The following TSPEAR variants were observed in gnomAD, a reference collection of about 807,000 sequenced individuals.
TSPEAR encodes the protein thrombospondin type laminin G domain and EAR repeats, also known as thrombospondin-type laminin G domain and EAR repeat-containing protein.
A neutral mutation model predicts 71.6 loss-of-function variants in TSPEAR; 69 were observed. That is an observed-to-expected ratio of 0.96 (90% CI 0.79 to 1.18). The LOEUF is 1.18. Ranked by LOEUF, TSPEAR falls within the 50% of genes most tolerant of loss-of-function variation. The probability of loss-of-function intolerance (pLI) is 0.00; values close to 1 mark genes in which losing one functional copy is unlikely to be tolerated. For missense variants in TSPEAR, 971 were observed against 894.9 expected, an observed-to-expected ratio of 1.09 and a Z score of -1.09; for synonymous variants, 402 against 387.2, an observed-to-expected ratio of 1.04 and a Z score of -0.45.
chr21:44,707,333 G>T (rs1189008191), intron 1 of TSPEAR, among the ~76,000 whole-genome samples: 1 of 151,736 alleles, frequency 6.6e-6, no homozygotes, highest in African/African-American at 2.4e-5. Flanking sequence ...AGGACACAGG[G>T]TCGGAAGGGT....
chr21:44,635,407 A>T (rs927908930), intron 1 of TSPEAR, among the ~76,000 whole-genome samples: 8 of 151,930 alleles, frequency 5.3e-5, no homozygotes, highest in African/African-American at 1.9e-4. Flanking sequence ...CCAAAAGTTG[A>T]AAAGAACCCA....
At chr21:44,645,610 C>A (rs1029707050) in intron 1 of TSPEAR, among the ~76,000 whole-genome samples, 17 of 152,022 alleles carry the variant, frequency 1.1e-4, no homozygotes, top group Non-Finnish European at 2.5e-4. Context: ...CCTCAGCCCC[C>A]CAAAGTACTG....
chr21:44,548,334 G>C (rs587768537), intron 2 of TSPEAR, among the ~76,000 whole-genome samples: 3 of 152,338 alleles, frequency 2.0e-5, no homozygotes, highest in Admixed American at 2.0e-4. Context: ...CCACAAGGTT[G>C]TCCTATTGGG....
chr21:44,632,534 A>G (rs1422356961), intron 1 of TSPEAR, among the ~76,000 whole-genome samples: 1 of 152,266 alleles, frequency 6.6e-6, no homozygotes, highest in Non-Finnish European at 1.5e-5. Flanking sequence ...ACTTGAAGCC[A>G]TATTAAGAAA....
chr21:44,512,231 G>GC (rs1319669883), intron 9 of TSPEAR, among the ~76,000 whole-genome samples: 3 of 152,112 alleles, frequency 2.0e-5, no homozygotes, highest in Non-Finnish European at 2.9e-5. Flanking sequence ...TCACTGGGGA[G>GC]CCGGAGGAGG....
At chr21:44,660,144 A>G (rs782734359) in intron 1 of TSPEAR, among the ~76,000 whole-genome samples, 3 of 152,220 alleles carry the variant, frequency 2.0e-5, no homozygotes, top group Non-Finnish European at 4.4e-5. Context: ...TCAAATCCTC[A>G]TTTATGGATG....
At chr21:44,655,549 G>A (rs4050978) in intron 1 of TSPEAR, among the ~76,000 whole-genome samples, 7 of 152,200 alleles carry the variant, frequency 4.6e-5, no homozygotes, top group African/African-American at 7.2e-5. Context: ...GACCCATCAC[G>A]GAGTCGGGCA....
intron 1 of TSPEAR, among the ~76,000 whole-genome samples, chr21:44,652,529 T>C (rs904831025): frequency 1.3e-5 from 2 of 152,230 alleles, no homozygotes; most frequent in Non-Finnish European, 2.9e-5. Context: ...TTTTACTTCT[T>C]GCTGAAGGGG....
Position 44,708,293 on chromosome 21 carries a change from G to A in TSPEAR, c.82+3140C>T, listed in dbSNP as rs576560392. On this transcript the variant is annotated intron_variant, in intron 1 of 11. Transcript: ENST00000323084. The stretch of plus-strand genomic sequence containing the variant: ...GGAATGGGCACACTTCCTAACTGCA[G>A]GACACTCTAAGGGCTTTGGTCATGC... Among the ~76,000 whole-genome samples, 7 of 152,176 alleles carry A rather than the reference G, an allele frequency of 4.6e-5. No individual in the cohort carries two copies. In the South Asian group the frequency reaches 8.3e-4, roughly 18 times the overall value.
At chr21:44,556,356 CAG>C (rs782024814) in intron 2 of TSPEAR, among the ~76,000 whole-genome samples, 3 of 151,074 alleles carry the variant, frequency 2.0e-5, no homozygotes, top group Admixed American at 6.6e-5. Context: ...AGCCTGGCAA[CAG>C]AGTGATACCC....
chr21:44,692,518 G>C (rs1987163027), intron 1 of TSPEAR, among the ~76,000 whole-genome samples: 1 of 151,950 alleles, frequency 6.6e-6, no homozygotes, highest in South Asian at 2.1e-4. Context: ...AAAGTTTCAG[G>C]GTACAAGATC....
intron 2 of TSPEAR, among the ~76,000 whole-genome samples, chr21:44,567,345 T>TG (rs34356604): frequency 0.41 from 62,535 of 152,054 alleles, 14,593 homozygotes; most frequent in Non-Finnish European, 0.53. Context: ...CCAGAAACCG[T>TG]GGGGAAGGGG....
intron 2 of TSPEAR, among the ~76,000 whole-genome samples, chr21:44,561,686 C>T (rs184506155): frequency 5.9e-5 from 9 of 152,256 alleles, no homozygotes; most frequent in African/African-American, 1.9e-4. Flanking sequence ...ATAGGCAAAT[C>T]GATAAATGTA....
At chr21:44,645,751 A>G (rs1465390116) in intron 1 of TSPEAR, among the ~76,000 whole-genome samples, 1 of 152,194 alleles carries the variant, frequency 6.6e-6, no homozygotes, top group Non-Finnish European at 1.5e-5. Flanking sequence ...AATAAAATAT[A>G]TCTAATCAGT....
chr21:44,708,788 C>A (rs2146342833), intron 1 of TSPEAR, among the ~76,000 whole-genome samples: 1 of 152,358 alleles, frequency 6.6e-6, no homozygotes, highest in East Asian at 1.9e-4. Context: ...CGGGACCTCA[C>A]AGCACTTGCT....
At chr21:44,621,583 T>C (rs1457546635) in intron 1 of TSPEAR, among the ~76,000 whole-genome samples, 3 of 152,210 alleles carry the variant, frequency 2.0e-5, no homozygotes, top group Non-Finnish European at 4.4e-5. Flanking sequence ...GCAGCACATA[T>C]CATTCCTCAG....
At chr21:44,599,132 TTTTCTC>T (rs1375835783) in intron 1 of TSPEAR, among the ~76,000 whole-genome samples, 22 of 7,584 alleles carry the variant, frequency 2.9e-3, no homozygotes, top group Admixed American at 9.0e-3. Context: ...GAGGCCCCCA[TTTTCTC>T]TCTCTCTCTC....
chr21:44,532,204 G>A (rs61335515), intron 3 of TSPEAR, among the ~76,000 whole-genome samples: 6,188 of 152,326 alleles, frequency 0.041, 439 homozygotes, highest in African/African-American at 0.14. Context: ...TCCCCAGGAA[G>A]TCCACTTTTA....
intron 1 of TSPEAR, chr21:44,638,096 G>C: frequency 6.2e-7 from 1 of 1,613,538 alleles, no homozygotes; most frequent in East Asian, 2.2e-5. Context: ...GGCCTCCTGT[G>C]TTTCCCTCCT....
Sources: allele counts gnomAD v4.1 joint callset (sites outside exome capture counted in the v4.1 genomes callset), GRCh38; gene constraint gnomAD v4.1.1; transcripts MANE v1.5; gene names NCBI Gene and HGNC (gene_info 2026-07-23, HGNC 2026-07-21).